GNAL: variants seen among roughly 807,000 people sequenced by gnomAD.
GNAL encodes the protein G protein subunit alpha L.
A neutral mutation model predicts 55.1 loss-of-function variants in GNAL; 18 were observed. The ratio of observed to expected loss-of-function variants is 0.33; its 90% confidence interval spans 0.23 to 0.48. GNAL has a LOEUF of 0.48. GNAL is among the 20% of genes least tolerant of loss of function. GNAL has a pLI of 0.99. For synonymous variants in GNAL, 253 were observed against 237.0 expected (o/e 1.07, Z -0.62); for missense variants, 412 against 614.1 (o/e 0.67, Z 3.48).
At chr18:11,866,691 A>C (rs923699114) in intron 7 of GNAL, among the ~76,000 whole-genome samples, 2 of 150,186 alleles carry the variant, frequency 1.3e-5, no homozygotes, top group Non-Finnish European at 1.5e-5. Context: ...GATAAGATGC[A>C]TGTAGTGTAG....
chr18:11,799,937 C>A lies in GNAL; in HGVS notation c.625-24981C>A, dbSNP rs2034480850. On this transcript the variant is annotated intron_variant, in intron 4 of 11. Coordinates refer to ENST00000334049, the MANE Select transcript of GNAL (RefSeq NM_182978.4). ...CACTCTTCACTGTCTTTCCCTCCCC[C>A]TGTACGTGTCCCTTTTTCCCTCTCC... 2.6e-5 allele frequency among the ~76,000 whole-genome samples: 4 copies of A among 152,244 alleles called. No homozygotes were observed. In the Middle Eastern group the frequency reaches 0.014, roughly 518 times the overall value.
chr18:11,694,069 T>C (rs1598397437), intron 1 of GNAL, among the ~76,000 whole-genome samples: 1 of 152,008 alleles, frequency 6.6e-6, no homozygotes, highest in African/African-American at 2.4e-5. Context: ...CCCCGGCTGG[T>C]CTTGGACTTC....
At chr18:11,711,845 C>T (rs1007304059) in intron 1 of GNAL, among the ~76,000 whole-genome samples, 2 of 152,190 alleles carry the variant, frequency 1.3e-5, no homozygotes, top group African/African-American at 4.8e-5. Flanking sequence ...CTCTCCCAGT[C>T]CTTATGGCTT....
intron 4 of GNAL, among the ~76,000 whole-genome samples, chr18:11,788,106 C>T (rs2034112597): frequency 6.6e-6 from 1 of 152,148 alleles, no homozygotes; most frequent in African/African-American, 2.4e-5. Context: ...ATATCTTACA[C>T]ACCCCTGAGA....
chr18:11,763,367 A>G (rs2033304555), intron 4 of GNAL, among the ~76,000 whole-genome samples: 2 of 152,228 alleles, frequency 1.3e-5, no homozygotes, highest in African/African-American at 4.8e-5. Flanking sequence ...TTCTGTAACC[A>G]CAGCACAGGT....
intron 1 of GNAL, among the ~76,000 whole-genome samples, chr18:11,748,918 A>G (rs1339726053): frequency 1.3e-5 from 2 of 152,122 alleles, no homozygotes; most frequent in African/African-American, 4.8e-5. Flanking sequence ...TGAGGTCAGG[A>G]GTTTGAGACC....
chr18:11,861,229 G>A (rs2036127792), intron 5 of GNAL, among the ~76,000 whole-genome samples: 1 of 152,098 alleles, frequency 6.6e-6, no homozygotes, highest in Non-Finnish European at 1.5e-5. Flanking sequence ...CCAACAGAGA[G>A]CCTGGGCCCC....
chr18:11,844,301 G>T (rs865841929), intron 5 of GNAL, among the ~76,000 whole-genome samples: 4 of 152,072 alleles, frequency 2.6e-5, no homozygotes, highest in African/African-American at 9.7e-5. Flanking sequence ...GGGCGTGGTG[G>T]CGGGCGCCTG....
intron 1 of GNAL, among the ~76,000 whole-genome samples, chr18:11,710,621 A>G (rs1598406063): frequency 6.9e-6 from 1 of 144,596 alleles, no homozygotes; most frequent in Admixed American, 6.7e-5. Flanking sequence ...TGTTTGGGAA[A>G]TTTTTTCTCT....
intron 5 of GNAL, among the ~76,000 whole-genome samples, chr18:11,834,982 T>TATTCA (rs2035468884): frequency 1.3e-5 from 2 of 152,196 alleles, no homozygotes; most frequent in South Asian, 4.1e-4. Context: ...ACCGTAAGAC[T>TATTCA]ATTCAACAGG....
intron 5 of GNAL, among the ~76,000 whole-genome samples, chr18:11,846,729 G>A (rs1464350325): frequency 1.3e-5 from 2 of 149,602 alleles, no homozygotes; most frequent in African/African-American, 2.5e-5. Context: ...GTTTTGTTTT[G>A]TTGTTGTTGT....
chr18:11,732,843 A>G (rs1376032257), intron 1 of GNAL, among the ~76,000 whole-genome samples: 1 of 152,236 alleles, frequency 6.6e-6, no homozygotes, highest in Non-Finnish European at 1.5e-5. Context: ...TAAGTTAGCT[A>G]CAGCAATCAC....
chr18:11,716,703 T>C (rs1598409021), intron 1 of GNAL, among the ~76,000 whole-genome samples: 1 of 152,048 alleles, frequency 6.6e-6, no homozygotes, highest in African/African-American at 2.4e-5. Flanking sequence ...CCCACCAGAG[T>C]AGCTAGATAC....
chr18:11,750,982 C>T (rs1187810914), intron 1 of GNAL, among the ~76,000 whole-genome samples: 1 of 151,886 alleles, frequency 6.6e-6, no homozygotes, highest in African/African-American at 2.4e-5. Context: ...GGGGAAGCGC[C>T]GCCTGGGGAG....
chr18:11,714,824 T>G (rs1004465486), intron 1 of GNAL, among the ~76,000 whole-genome samples: 1 of 152,212 alleles, frequency 6.6e-6, no homozygotes, highest in Non-Finnish European at 1.5e-5. Context: ...ATAGTGAGTT[T>G]AGGGTCCCGA....
At chr18:11,864,916 A>C (rs1964598834) in intron 7 of GNAL, among the ~76,000 whole-genome samples, 1 of 152,136 alleles carries the variant, frequency 6.6e-6, no homozygotes, top group Non-Finnish European at 1.5e-5. Context: ...CAGGTTGAGA[A>C]CTGAAATGAG....
chr18:11,698,736 G>A (rs535415205), intron 1 of GNAL, among the ~76,000 whole-genome samples: 352 of 152,266 alleles, frequency 2.3e-3, no homozygotes, highest in African/African-American at 8.2e-3. Flanking sequence ...TGCTCCTGGG[G>A]ATGAAGAGAA....
chr18:11,859,099 G>C (rs1431310645), intron 5 of GNAL, among the ~76,000 whole-genome samples: 2 of 152,084 alleles, frequency 1.3e-5, no homozygotes, highest in Admixed American at 6.6e-5. Context: ...ATTTTAAATA[G>C]GTTACTTCCT....
intron 5 of GNAL, among the ~76,000 whole-genome samples, chr18:11,842,741 G>A (rs905556308): frequency 6.6e-6 from 1 of 152,148 alleles, no homozygotes; most frequent in Non-Finnish European, 1.5e-5. Context: ...ATGACGTTTT[G>A]CTTGCTGGCT....
Sources: allele counts gnomAD v4.1 joint callset (sites outside exome capture counted in the v4.1 genomes callset), GRCh38; gene constraint gnomAD v4.1.1; transcripts MANE v1.5; gene names NCBI Gene and HGNC (gene_info 2026-07-23, HGNC 2026-07-21).